The following TENM4 variants were observed in gnomAD, a reference collection of about 807,000 sequenced individuals.
TENM4 encodes the protein teneurin transmembrane protein 4.
A neutral mutation model predicts 243.3 loss-of-function variants in TENM4; 82 were observed. The observed-to-expected ratio is 0.34, with a 90% confidence interval of 0.28 to 0.40. TENM4 has a LOEUF of 0.40. Among genes scored for constraint, TENM4 ranks in the 10% least tolerant of loss-of-function variants. The probability of loss-of-function intolerance (pLI) is 1.00; values close to 1 mark genes in which losing one functional copy is unlikely to be tolerated. For missense variants in TENM4, 3,138 were observed against 3,673.3 expected (o/e 0.85, Z 3.77); for synonymous variants, 1,412 against 1,456.3 (o/e 0.97, Z 0.69).
At chr11:78,978,477 T>A (rs755241845) in intron 6 of TENM4, among the ~76,000 whole-genome samples, 1 of 152,166 alleles carries the variant, frequency 6.6e-6, no homozygotes, top group Non-Finnish European at 1.5e-5. Flanking sequence ...ATTTTACTGA[T>A]GAAATGAGCT....
intron 5 of TENM4, 37 bp from the exon 6 acceptor site, chr11:79,065,044 G>C: frequency 6.9e-7 from 1 of 1,448,004 alleles, no homozygotes; most frequent in Non-Finnish European, 9.1e-7. Flanking sequence ...TTAGGGCACT[G>C]AGATGAGGTC....
chr11:78,942,538 T>C (rs1856922216), intron 6 of TENM4, among the ~76,000 whole-genome samples: 1 of 152,108 alleles, frequency 6.6e-6, no homozygotes, highest in Non-Finnish European at 1.5e-5. Flanking sequence ...CGTCCGGGGC[T>C]GCAGGCGGCC....
At chr11:79,237,307 C>T (rs1278436047) in intron 2 of TENM4, among the ~76,000 whole-genome samples, 1 of 152,178 alleles carries the variant, frequency 6.6e-6, no homozygotes, top group Non-Finnish European at 1.5e-5. Flanking sequence ...CCCCACCCAC[C>T]ACTGCCCTGA....
rs933161406 is a variant in TENM4 at position 79,093,089 on chromosome 11, A to G, written c.-65-23080T>C. ...TAACCCAAGAATCATTCTCTACCCC[A>G]TTTTCCAGGCTAACACAAGCCAAAT... On this transcript the variant is annotated intron_variant, in intron 4 of 33. Transcript: ENST00000278550. 53 of 152,284 alleles carry G rather than the reference A, an allele frequency of 3.5e-4. 1 individual carries two copies. The highest frequency in any genetic ancestry group is 1.3e-3 in the African/African-American group (53 of 41,564). 9.4% of individuals were successfully genotyped at this position (152,284 alleles called of 1,614,324 possible). A position where few individuals can be genotyped will look rare whatever the true frequency, so the allele number is the denominator to read the frequency against.
intron 12 of TENM4, among the ~76,000 whole-genome samples, chr11:78,831,753 C>T (rs1165339614): frequency 2.6e-5 from 4 of 152,162 alleles, no homozygotes; most frequent in African/African-American, 9.7e-5. Context: ...GCTGAAGGCT[C>T]AAAGCAGCTT....
chr11:79,085,931 T>C (rs1470872363), intron 4 of TENM4, among the ~76,000 whole-genome samples: 2 of 152,218 alleles, frequency 1.3e-5, no homozygotes, highest in Non-Finnish European at 2.9e-5. Context: ...CGACCAATTC[T>C]TAAACATCTA....
intron 3 of TENM4, among the ~76,000 whole-genome samples, chr11:79,214,928 TC>T (rs1453310678): frequency 6.6e-6 from 1 of 152,246 alleles, no homozygotes; most frequent in African/African-American, 2.4e-5. Flanking sequence ...GAAATAAACT[TC>T]CGCTATGTTA....
chr11:79,267,389 A>G (rs573958932), intron 2 of TENM4, among the ~76,000 whole-genome samples: 1 of 152,332 alleles, frequency 6.6e-6, no homozygotes, highest in African/African-American at 2.4e-5. Context: ...TAATATGAGA[A>G]GAATGCCAGA....
chr11:79,402,349 T>C (rs1334639575), intron 1 of TENM4, among the ~76,000 whole-genome samples: 2 of 152,186 alleles, frequency 1.3e-5, no homozygotes, highest in Admixed American at 6.5e-5. Context: ...TATTCTTCAA[T>C]TAACAACATT....
intron 6 of TENM4, among the ~76,000 whole-genome samples, chr11:79,050,324 T>C (rs758399212): frequency 6.6e-6 from 1 of 152,214 alleles, no homozygotes; most frequent in African/African-American, 2.4e-5. Context: ...TTATAAATTA[T>C]TGAAGGCTGT....
intron 3 of TENM4, among the ~76,000 whole-genome samples, chr11:79,158,695 G>A (rs1468511808): frequency 6.6e-6 from 1 of 152,184 alleles, no homozygotes; most frequent in East Asian, 1.9e-4. Context: ...CAATCAACAT[G>A]TGATATATGC....
At chr11:78,778,327 C>G (rs199732504) in intron 17 of TENM4, among the ~76,000 whole-genome samples, 427 of 120,104 alleles carry the variant, frequency 3.6e-3, no homozygotes, top group African/African-American at 7.5e-3. Flanking sequence ...GTATGTGGGG[C>G]GGGGGGAGGG....
At chr11:79,079,786 C>G (rs1018948997) in intron 4 of TENM4, among the ~76,000 whole-genome samples, 2 of 145,332 alleles carry the variant, frequency 1.4e-5, no homozygotes, top group African/African-American at 5.2e-5. Flanking sequence ...GAGCTGACAT[C>G]GAGCCGCTGC....
intron 12 of TENM4, among the ~76,000 whole-genome samples, chr11:78,841,952 C>T (rs914903705): frequency 6.6e-6 from 1 of 152,096 alleles, no homozygotes; most frequent in Non-Finnish European, 1.5e-5. Context: ...TCTACTTTTT[C>T]CCGTCTGTCT....
chr11:79,156,942 G>A (rs1862633620), intron 3 of TENM4, among the ~76,000 whole-genome samples: 1 of 152,128 alleles, frequency 6.6e-6, no homozygotes, highest in African/African-American at 2.4e-5. Context: ...TCAAGTTGAG[G>A]GGTTGGGCAG....
chr11:79,423,535 AT>A (rs67697266), intron 1 of TENM4, among the ~76,000 whole-genome samples: 4,159 of 113,792 alleles, frequency 0.037, 40 homozygotes, highest in South Asian at 0.086. Flanking sequence ...TTACAAGTGC[AT>A]TTTTTTTTTT....
Position 79,184,971 on chromosome 11 carries a change from T to C in TENM4, c.-163+30837A>G, listed in dbSNP as rs534220970. ...ATACAGCTTATATCTTATATTCTGA[T>C]CAAAACAAAAAGTACATTTCTTTGA... On this transcript the variant is annotated intron_variant, in intron 3 of 33. Transcript: ENST00000278550. Among the ~76,000 whole-genome samples, 6 of 152,242 alleles carry C rather than the reference T, an allele frequency of 3.9e-5. No homozygotes were observed. In the East Asian group the frequency reaches 1.2e-3, roughly 29 times the overall value.
chr11:78,934,050 G>A (rs1253094977), intron 6 of TENM4, among the ~76,000 whole-genome samples: 1 of 152,116 alleles, frequency 6.6e-6, no homozygotes, highest in Non-Finnish European at 1.5e-5. Flanking sequence ...CCTCAAATGG[G>A]CAGTACTCAG....
At chr11:79,255,083 A>C (rs566090476) in intron 2 of TENM4, among the ~76,000 whole-genome samples, 4 of 152,310 alleles carry the variant, frequency 2.6e-5, no homozygotes, top group Admixed American at 6.5e-5. Context: ...CCGCTGGGTG[A>C]CCAGAAAGGT....
Sources: allele counts gnomAD v4.1 joint callset (sites outside exome capture counted in the v4.1 genomes callset), GRCh38; gene constraint gnomAD v4.1.1; transcripts MANE v1.5; gene names NCBI Gene and HGNC (gene_info 2026-07-23, HGNC 2026-07-21).